UBASH3B: variants seen among roughly 807,000 people sequenced by gnomAD.
UBASH3B encodes ubiquitin associated and SH3 domain containing B, also known as ubiquitin-associated and SH3 domain-containing protein B.
In UBASH3B, 37 loss-of-function variants were observed where a neutral mutation model predicts 83.4. The ratio of observed to expected loss-of-function variants is 0.44; its 90% CI spans 0.34 to 0.58. UBASH3B has a LOEUF of 0.58. UBASH3B is among the 20% of genes least tolerant of loss of function. UBASH3B has a pLI of 0.01. For missense variants in UBASH3B, 657 were observed against 827.2 expected (o/e 0.79, Z 2.52); for synonymous variants, 304 against 318.3 (o/e 0.96, Z 0.48).
chr11:122,690,239 TA>T (rs1424797258), intron 1 of UBASH3B, among the ~76,000 whole-genome samples: 38 of 124,626 alleles, frequency 3.0e-4, no homozygotes, highest in African/African-American at 1.0e-3. Context: ...TCCAATTTTA[TA>T]TATATATATA....
At position 122,808,171 on chromosome 11, in the gene UBASH3B, C is replaced by T; in HGVS notation, c.1807C>T (p.Arg603Ter). Reference protein sequence around the residue: ...QNSKDFVQMVRKIPYLGFCSC... With the variant: ...QNSKDFVQMV Reference sequence around the variant, plus strand: ...CTCCAAGGACTTCGTACAAATGGTCCGAAAGGTAATTCATTCTCGTACTTT... The same window carrying T: ...CTCCAAGGACTTCGTACAAATGGTCTGAAAGGTAATTCATTCTCGTACTTT... The change falls in exon 13 of 14, where the codon CGA becomes TGA. Residue 603 changes from arginine (R) to a stop codon, truncating the protein, a stop_gained. Transcript: ENST00000284273. LOFTEE classifies it high-confidence loss of function. The T allele has an allele frequency of 2.5e-6, 4 of 1,613,774 alleles. No individual in the cohort carries two copies. Among genetic ancestry groups the T allele is most frequent in the Non-Finnish European group, 8.5e-7 (1 of 1,179,738 alleles).
chr11:122,697,577 A>C (rs1315760820), intron 1 of UBASH3B, among the ~76,000 whole-genome samples: 1 of 152,236 alleles, frequency 6.6e-6, no homozygotes, highest in Non-Finnish European at 1.5e-5. Flanking sequence ...GGGCGCTAGA[A>C]TTCGAACCCA....
At chr11:122,682,880 C>T (rs10892881) in intron 1 of UBASH3B, among the ~76,000 whole-genome samples, 6 of 152,112 alleles carry the variant, frequency 3.9e-5, no homozygotes, top group South Asian at 2.1e-4. Context: ...AAAACAAATG[C>T]GTCAAGCAAT....
chr11:122,800,383 C>CAAAAAAAAAAAAAAAAAAAAAA, intron 10 of UBASH3B, among the ~76,000 whole-genome samples: 2 of 76,668 alleles, frequency 2.6e-5, no homozygotes, highest in Non-Finnish European at 2.8e-5. Context: ...ACTAAAAATA[C>CAAAAAAAAAAAAAAAAAAAAAA]AAAAAAAAAA....
rs1861343879 is a variant in UBASH3B, at chr11:122,806,609, G to T, written c.1702+93G>T. 1 of 1,369,448 alleles carries T rather than the reference G, an allele frequency of 7.3e-7. No individual in the cohort carries two copies. The highest frequency in any genetic ancestry group is 9.4e-7 in the Non-Finnish European group (1 of 1,058,296). The allele number at this position is 1,369,448 out of a possible 1,614,324, so 84.8% of individuals were successfully genotyped here. On this transcript the variant is annotated intron_variant, in intron 12 of 13. Transcript: ENST00000284273. The surrounding 1 kb of genome is among the most constrained non-coding windows in gnomAD (Gnocchi z 4.0). Reference sequence around the variant, plus strand: ...ATTCAAGATGTTTCAACTTGCTTTGGCTAACCAAAGAAATGTATTTCCAGA... The same window carrying T: ...ATTCAAGATGTTTCAACTTGCTTTGTCTAACCAAAGAAATGTATTTCCAGA...
chr11:122,715,070 C>T (rs1003652772), intron 1 of UBASH3B, among the ~76,000 whole-genome samples: 6 of 152,262 alleles, frequency 3.9e-5, no homozygotes, highest in Middle Eastern at 3.4e-3. Flanking sequence ...CTCAGCCTCC[C>T]GCGTAGCTGG....
intron 1 of UBASH3B, among the ~76,000 whole-genome samples, chr11:122,693,820 G>A (rs1176185888): frequency 1.3e-5 from 2 of 152,174 alleles, no homozygotes; most frequent in Non-Finnish European, 2.9e-5. Context: ...GCAGTGAGCC[G>A]AGATGGTGCC....
intron 1 of UBASH3B, among the ~76,000 whole-genome samples, chr11:122,696,600 C>T (rs984394833): frequency 6.6e-6 from 1 of 152,112 alleles, no homozygotes; most frequent in Non-Finnish European, 1.5e-5. Flanking sequence ...AGCCACTGCA[C>T]CCAACCAATA....
chr11:122,721,660 C>T (rs1040460510), intron 1 of UBASH3B, among the ~76,000 whole-genome samples: 1 of 152,120 alleles, frequency 6.6e-6, no homozygotes, highest in East Asian at 1.9e-4. Context: ...TCCAGTGGTG[C>T]GTGGGTGGGA....
chr11:122,747,374 G>A (rs1487285662), intron 1 of UBASH3B, among the ~76,000 whole-genome samples: 1 of 152,196 alleles, frequency 6.6e-6, no homozygotes, highest in African/African-American at 2.4e-5. Flanking sequence ...CACCAGCCAA[G>A]GAGTTTGGGG....
At chr11:122,684,818 G>A (rs776910932) in intron 1 of UBASH3B, among the ~76,000 whole-genome samples, 1 of 152,080 alleles carries the variant, frequency 6.6e-6, no homozygotes, top group Admixed American at 6.6e-5. Flanking sequence ...GGCTGGTCTC[G>A]AACTCCTGAC....
intron 1 of UBASH3B, among the ~76,000 whole-genome samples, chr11:122,725,673 T>A (rs1263367488): frequency 6.6e-5 from 10 of 152,098 alleles, no homozygotes; most frequent in Non-Finnish European, 8.8e-5. Context: ...CTCCATTGCT[T>A]GTTTCATTTT....
intron 1 of UBASH3B, among the ~76,000 whole-genome samples, chr11:122,729,470 A>C (rs1860801439): frequency 6.6e-6 from 1 of 152,192 alleles, no homozygotes; most frequent in Non-Finnish European, 1.5e-5. Context: ...GGGAAAATGA[A>C]TGTGGATTTG....
chr11:122,784,379 G>T (rs1473563479), intron 5 of UBASH3B, among the ~76,000 whole-genome samples: 1 of 152,142 alleles, frequency 6.6e-6, no homozygotes, highest in Non-Finnish European at 1.5e-5. Flanking sequence ...CTACATCATA[G>T]CCAGGCATGG....
Position 122,775,823 on chromosome 11 carries a change from T to C in UBASH3B, c.162-396T>C, listed in dbSNP as rs145404680. 617 of 179,210 alleles carry C rather than the reference T, an allele frequency of 3.4e-3. 4 individuals are homozygous for C. Among genetic ancestry groups the C allele is most frequent in the African/African-American group, 0.013 (550 of 42,042 alleles). The allele number at this position is 179,210 out of a possible 1,614,324, so 11.1% of individuals were successfully genotyped here. A position where few individuals can be genotyped will look rare whatever the true frequency, so the allele number is the denominator to read the frequency against. ...AACCATCAGCACCACTTCTAATACT[T>C]TCTGCCAAAGGGGCTGAAAACAAGA... On this transcript the variant is annotated intron_variant, in intron 1 of 13. Transcript: ENST00000284273.
chr11:122,721,496 A>G (rs1444764690), intron 1 of UBASH3B, among the ~76,000 whole-genome samples: 1 of 152,192 alleles, frequency 6.6e-6, no homozygotes, highest in Admixed American at 6.5e-5. Flanking sequence ...AAGCTTGCTT[A>G]AGGATATTTG....
At chr11:122,706,103 TTTC>T (rs972157054) in intron 1 of UBASH3B, among the ~76,000 whole-genome samples, 5 of 103,672 alleles carry the variant, frequency 4.8e-5, no homozygotes, top group Non-Finnish European at 8.1e-5. Context: ...AATTCTTTTC[TTTC>T]TTTTTTTTTT....
At chr11:122,788,318 C>T (rs1860989776) in intron 5 of UBASH3B, among the ~76,000 whole-genome samples, 1 of 152,162 alleles carries the variant, frequency 6.6e-6, no homozygotes, top group African/African-American at 2.4e-5. Context: ...CCTGTAATCT[C>T]AGCACTTTGG....
At chr11:122,731,544 G>A (rs201991748) in intron 1 of UBASH3B, among the ~76,000 whole-genome samples, 5 of 72,200 alleles carry the variant, frequency 6.9e-5, no homozygotes, top group Non-Finnish European at 4.5e-5. Flanking sequence ...AGATAACTAA[G>A]TGACTAACAG....
Sources: gnomAD v4.1 joint callset for allele counts (sites outside exome capture counted in the v4.1 genomes callset) on GRCh38, gnomAD v4.1.1 for gene constraint, Gnocchi (gnomAD v3.1) non-coding constraint, MANE v1.5 for transcripts, NCBI Gene and HGNC (gene_info 2026-07-23, HGNC 2026-07-21) for gene names.